ITIH4: variants seen among roughly 807,000 people sequenced by gnomAD.
ITIH4 encodes inter-alpha-trypsin inhibitor heavy chain 4.
Under a neutral mutation model 111.8 loss-of-function variants are expected in ITIH4, and 79 were observed. That is an observed-to-expected ratio of 0.71 (90% CI 0.59 to 0.85). The LOEUF (loss-of-function observed/expected upper bound fraction) is 0.85. ITIH4 is among the 40% of genes least tolerant of loss of function. The pLI, the probability that ITIH4 is intolerant of heterozygous loss-of-function variation, is 0.00. For synonymous variants in ITIH4, 472 were observed against 468.3 expected (o/e 1.01, Z -0.10); for missense variants, 1,065 against 1,195.8 (o/e 0.89, Z 1.61).
chr3:52,829,266 A>G lies in ITIH4; in HGVS notation c.104T>C (p.Ile35Thr). 4 of 1,610,802 alleles carry G rather than the reference A, an allele frequency of 2.5e-6. No individual in the cohort carries two copies. The highest frequency in any genetic ancestry group is 3.4e-6 in the Non-Finnish European group (4 of 1,177,378). ...TTTAEKNGID[I>T]YSLTVDSRVS... ...CCTGGAGTCCACGGTGAGGCTGTAGATGTCGATGCCATTCTGGACCAGCAA... is the reference window on the plus strand; with the variant it reads ...CCTGGAGTCCACGGTGAGGCTGTAGGTGTCGATGCCATTCTGGACCAGCAA... Residue 35 changes from isoleucine to threonine, a missense_variant, in exon 2 of 24, where the codon ATC becomes ACC. Physicochemically the swap from Ile to Thr is moderately conservative, Grantham distance 89 (BLOSUM62 -1). Coordinates refer to ENST00000266041, the MANE Select transcript of ITIH4 (RefSeq NM_002218.5).
rs1301010597 is a variant in ITIH4, at chr3:52,827,183, A to G, written c.266T>C (p.Met89Thr). 1 of 1,613,978 alleles carries G rather than the reference A, an allele frequency of 6.2e-7. No homozygotes were observed. The highest frequency in any genetic ancestry group is 8.5e-7 in the Non-Finnish European group (1 of 1,179,900). Residue 89 changes from methionine to threonine, a missense_variant, in exon 3 of 24, where the codon ATG (methionine) becomes ACG (threonine). Physicochemically the swap from Met to Thr is moderately conservative, Grantham distance 81 (BLOSUM62 -1). Coordinates refer to ENST00000266041, the MANE Select transcript of ITIH4 (RefSeq NM_002218.5). Reference sequence around the variant, plus strand: ...CTCCTTGATGATCCCTGGGTAGGTCATGCCATCGATGATCCTGGGGGCAGA... The same window carrying G: ...CTCCTTGATGATCCCTGGGTAGGTCGTGCCATCGATGATCCTGGGGGCAGA... ...ITNFSMIIDG[M>T]TYPGIIKEKA...
rs1700430432 is a variant in ITIH4 at position 52,823,608 on chromosome 3, T to C, written c.1487A>G (p.Lys496Arg). The C allele has an allele frequency of 1.2e-6, 2 of 1,613,982 alleles. No individual in the cohort carries two copies. Among genetic ancestry groups the C allele is most frequent in the Non-Finnish European group, 1.7e-6 (2 of 1,179,996 alleles). The change falls in exon 11 of 24, where the codon AAG (lysine) becomes AGG (arginine). Residue 496 changes from lysine (K) to arginine (R), a missense_variant. Transcript: ENST00000266041. ...CACATCAGGCCCCCGGTCCTGGAGC[T>C]TCCCAGCCACCACCATCTCTGAGCC... Reference protein sequence around the residue: ...FKGSEMVVAGKLQDRGPDVLT... With the variant: ...FKGSEMVVAGRLQDRGPDVLT...
Position 52,823,480 on chromosome 3 carries a change from G to A in ITIH4, c.1539+76C>T, listed in dbSNP as rs889435989. 2.3e-6 allele frequency: 3 copies of A among 1,286,346 alleles called. No individual in the cohort carries two copies. The African/African-American group carries it at 4.4e-5, about 19-fold the overall frequency. The allele number at this position is 1,286,346 out of a possible 1,614,324, so 79.7% of individuals were successfully genotyped here. On this transcript the variant is annotated intron_variant, in intron 11 of 23. Coordinates refer to ENST00000266041, the MANE Select transcript of ITIH4 (RefSeq NM_002218.5). ...GGAAAGCTGGAGCTGGGCAGGTCTG[G>A]GATTTGAGTCCAGCCCCTCTGGCTG...
At chr3:52,816,434 G>A (rs571959178) in intron 21 of ITIH4, among the ~76,000 whole-genome samples, 17 of 152,286 alleles carry the variant, frequency 1.1e-4, no homozygotes, top group Non-Finnish European at 2.1e-4. Flanking sequence ...AGAACATCAC[G>A]TCACTATGTA....
chr3:52,829,162 G>A lies in ITIH4; in HGVS notation c.208C>T (p.Gln70Ter). 6.2e-7 allele frequency: 1 copy of A among 1,612,164 alleles called. No homozygotes were observed. The highest frequency in any genetic ancestry group is 8.5e-7 in the Non-Finnish European group (1 of 1,178,446). ...RANTVQEATFQMELPKKAFIT... is the reference protein window; with the variant it reads ...RANTVQEATF ...AAGGCTTTCTTGGGCAGCTCCATCT[G>A]GAAGGTGGCCTCCTGCACAGTATTG... The change falls in exon 2 of 24, where the codon CAG becomes TAG. Residue 70 changes from glutamine (Q) to a stop codon, truncating the protein, a stop_gained. Coordinates refer to ENST00000266041, the MANE Select transcript of ITIH4 (RefSeq NM_002218.5). LOFTEE classifies it high-confidence loss of function.
chr3:52,817,686 C>T (rs111383873), intron 20 of ITIH4, among the ~76,000 whole-genome samples: 2,571 of 152,334 alleles, frequency 0.017, 26 homozygotes, highest in Admixed American at 0.032. Context: ...GCACTAACTC[C>T]TCCATCATCT....
intron 11 of ITIH4, 75 bp from the exon 12 acceptor site, chr3:52,821,205 T>G: frequency 5.2e-5 from 78 of 1,501,516 alleles, no homozygotes; most frequent in Non-Finnish European, 6.5e-5. Flanking sequence ...TTCTGAGCTC[T>G]TCCATGATTG....
Position 52,819,786 on chromosome 3 carries a change from G to A in ITIH4, c.1919C>T (p.Ser640Phe), listed in dbSNP as rs1401071974. 2.5e-6 allele frequency: 4 copies of A among 1,614,076 alleles called. No homozygotes were observed. Among genetic ancestry groups the A allele is most frequent in the South Asian group, 1.1e-5 (1 of 91,080 alleles). The change falls in exon 16 of 24, where the codon TCC becomes TTC. Residue 640 changes from serine (S) to phenylalanine (F), a missense_variant. Coordinates refer to ENST00000266041, the MANE Select transcript of ITIH4 (RefSeq NM_002218.5). ...QGAKIPKPEA[S>F]FSPRRGWNRQ... ...ATTCCATCCTCTTCTTGGAGAAAAG[G>A]AAGCCTCTGTGTGGTCAAGTCCTGA... is the stretch of plus-strand genomic sequence containing the variant.
In ITIH4 at chr3:52,814,191, C is replaced by T. The variant is rs77347777; in HGVS notation, c.2626+18G>A. The T allele has an allele frequency of 0.11, 174,596 of 1,609,054 alleles. 10,129 individuals are homozygous for T. The highest frequency in any genetic ancestry group is 0.15 in the African/African-American group (11,315 of 74,938). Reference sequence around the variant, plus strand: ...TGGTTTCTGAGGAAGGCCTGGGCCCCGGTAATGGGCTCAGTACCAAGGGTC... The same window carrying T: ...TGGTTTCTGAGGAAGGCCTGGGCCCTGGTAATGGGCTCAGTACCAAGGGTC... On this transcript the variant is annotated intron_variant, in intron 22 of 23. Coordinates refer to ENST00000266041, the MANE Select transcript of ITIH4 (RefSeq NM_002218.5).
At position 52,813,988 on chromosome 3, in the gene ITIH4, G is replaced by A. The variant is rs1700232805; in HGVS notation, c.2710C>T (p.His904Tyr). The A allele has an allele frequency of 6.2e-7, 1 of 1,612,472 alleles. No individual in the cohort carries two copies. Among genetic ancestry groups the A allele is most frequent in the South Asian group, 1.1e-5 (1 of 90,930 alleles). ...RRTLRVQGND[H>Y]SATRERRLDY... ...GTGCCAAGTCACCTGGTGGCAGAGT[G>A]GTCATTGCCCTGAACCCTCAGCGTG... The change falls in exon 23 of 24, where the codon CAC (histidine) becomes TAC (tyrosine). Residue 904 changes from histidine to tyrosine, a missense_variant. Coordinates refer to ENST00000266041, the MANE Select transcript of ITIH4 (RefSeq NM_002218.5).
chr3:52,826,618 T>C lies in ITIH4; in HGVS notation c.553A>G (p.Ser185Gly). 6.2e-7 allele frequency: 1 copy of C among 1,614,076 alleles called. No individual in the cohort carries two copies. Among genetic ancestry groups the C allele is most frequent in the Non-Finnish European group, 8.5e-7 (1 of 1,179,990 alleles). The part of the protein sequence containing the change: ...DIHIFEPQGI[S>G]FLETESTFMT... ...AAGGTGCTCTCTGTCTCCAGAAAGC[T>C]GATGCCCTGGGGCTCGAAGATGTGA... The change falls in exon 5 of 24, where the codon AGC becomes GGC. Residue 185 changes from serine to glycine, a missense_variant. Transcript: ENST00000266041.
chr3:52,826,580 CTGGT>C lies in ITIH4; in HGVS notation c.587_590del (p.Asn196SerfsTer3). ...GCCAGGTGGTGAGGGCGTCTACCAG[CTGGT>C]TGGTCATGAAGGTGCTCTCTGTCTC... On this transcript the variant is annotated frameshift_variant, in exon 5 of 24. Coordinates refer to ENST00000266041, the MANE Select transcript of ITIH4 (RefSeq NM_002218.5). LOFTEE classifies it high-confidence loss of function. The C allele has an allele frequency of 6.2e-7, 1 of 1,614,134 alleles. No individual in the cohort carries two copies. The highest frequency in any genetic ancestry group is 2.2e-5 in the East Asian group (1 of 44,876).
chr3:52,823,254 T>G (rs1700417358), intron 11 of ITIH4: 1 of 335,228 alleles, frequency 3.0e-6, no homozygotes, highest in African/African-American at 2.1e-5. Context: ...GGAGCAGCCC[T>G]CCCTGTCTGA....
intron 6 of ITIH4, 112 bp downstream of exon 6, chr3:52,825,774 T>C (rs1700470207): frequency 8.3e-7 from 1 of 1,204,680 alleles, no homozygotes; most frequent in Non-Finnish European, 1.2e-6. Context: ...CGGTCCCTGG[T>C]GCACACTGCT....
chr3:52,819,613 G>A, intron 16 of ITIH4, 95 bp from the exon 17 acceptor site: 4 of 1,587,388 alleles, frequency 2.5e-6, no homozygotes, highest in Non-Finnish European at 3.4e-6. Context: ...GTGCGGAGAG[G>A]GCAGCTATGT....
intron 11 of ITIH4, chr3:52,823,244 G>A: frequency 3.5e-6 from 1 of 286,512 alleles, no homozygotes; most frequent in Middle Eastern, 1.0e-3. Flanking sequence ...TTGTGAAATA[G>A]GAGCAGCCCT....
rs1457313477 is a variant in ITIH4, at chr3:52,824,009, A to AC, written c.1172-6dup. The AC allele has an allele frequency of 6.4e-7, 1 of 1,552,360 alleles. No homozygotes were observed. The highest frequency in any genetic ancestry group is 8.7e-7 in the Non-Finnish European group (1 of 1,150,046). On this transcript the variant is annotated splice_region_variant and splice_polypyrimidine_tract_variant and intron_variant, in intron 9 of 23. Transcript: ENST00000266041. The surrounding 1 kb of genome is among the most constrained non-coding windows in gnomAD (Gnocchi z 4.3). ...TGCTCCTGGGGTTAGTCTCCCCTGG[A>AC]CCCAGGGGTTTGGGATGAGGGTGAG...
chr3:52,820,563 A>T (rs938017902), intron 13 of ITIH4, 68 bp downstream of exon 13: 13 of 1,531,212 alleles, frequency 8.5e-6, no homozygotes, highest in Non-Finnish European at 1.2e-5. Context: ...GGATGCAGGG[A>T]AGATCGGGGA....
chr3:52,813,475 A>G lies in ITIH4; in HGVS notation c.2739T>C (p.Asp913=), dbSNP rs1030123247. Residue 913 remains aspartate (D), a synonymous_variant, in exon 24 of 24, where the codon GAT becomes GAC. Transcript: ENST00000266041. ...CCACTCCCGGGGGCCCCTCCTGGTAATCCAGCCTGCGCTCTCTGAAATGGA... is the reference window on the plus strand; with the variant it reads ...CCACTCCCGGGGGCCCCTCCTGGTAGTCCAGCCTGCGCTCTCTGAAATGGA... ...DHSATRERRL[D]YQEGPPGVEI... is the part of the protein sequence containing the mutation. The G allele has an allele frequency of 6.2e-7, 1 of 1,613,924 alleles. No individual in the cohort carries two copies. The highest frequency in any genetic ancestry group is 1.3e-5 in the African/African-American group (1 of 74,920).
Sources: allele counts gnomAD v4.1 joint callset (sites outside exome capture counted in the v4.1 genomes callset), GRCh38; gene constraint gnomAD v4.1.1; non-coding constraint Gnocchi (gnomAD v3.1); transcripts MANE v1.5; gene names NCBI Gene and HGNC (gene_info 2026-07-23, HGNC 2026-07-21).